The following EDA variants were observed in gnomAD, a reference collection of about 807,000 sequenced individuals.
EDA encodes ectodysplasin-A.
In EDA, 2 loss-of-function variants were observed where a neutral mutation model predicts 23.6. The ratio of observed to expected loss-of-function variants is 0.08; its 90% confidence interval spans 0.03 to 0.27. The LOEUF is 0.27. EDA is among the 10% of genes least tolerant of loss of function. EDA has a pLI of 1.00. For synonymous variants in EDA, 131 were observed against 132.0 expected (o/e 0.99, Z 0.05); for missense variants, 229 against 324.2 (o/e 0.71, Z 2.26).
chrX:69,736,814 C>G (rs1260542891), intron 1 of EDA, among the ~76,000 whole-genome samples: 1 of 104,562 alleles, frequency 9.6e-6, no homozygotes, highest in African/African-American at 3.5e-5. Context: ...CTCTGTCACC[C>G]AGGCTGGAGT....
rs778761132 is a variant in EDA, at chrX:70,030,517, A to C, written c.790A>C (p.Asn264His). ...QGQGSAIQVK[N>H]DLSGGVLNDW... ...CCAAGGGTCAGCAATTCAAGTCAAG[A>C]ATGGTAAGAATCAAAATAGGCTCTC... Residue 264 changes from asparagine (N) to histidine (H), a missense_variant, in exon 6 of 8, where the codon AAT becomes CAT. Asn to His is a moderately conservative substitution (Grantham distance 68). Around this residue, in one of 2 missense-constraint regions of EDA, gnomAD observed 175 missense variants for 281.8 expected, o/e 0.62. Coordinates refer to ENST00000374552, the MANE Select transcript of EDA (RefSeq NM_001399.5). The C allele has an allele frequency of 8.3e-7, 1 of 1,198,962 alleles. No individual in the cohort carries two copies. The highest frequency in any genetic ancestry group is 1.8e-5 in the South Asian group (1 of 55,070).
At chrX:69,854,232 C>T (rs926680364) in intron 1 of EDA, among the ~76,000 whole-genome samples, 1 of 110,339 alleles carries the variant, frequency 9.1e-6, no homozygotes, top group Non-Finnish European at 1.9e-5. Context: ...CTCACTCTGT[C>T]GCCCAGGCTG....
At chrX:69,654,871 A>G (rs1933250281) in intron 1 of EDA, among the ~76,000 whole-genome samples, 1 of 109,068 alleles carries the variant, frequency 9.2e-6, no homozygotes, top group East Asian at 2.9e-4. Flanking sequence ...TGGGTGCAGC[A>G]CACCAACATG....
chrX:69,916,853 A>AT (rs1180239834), intron 1 of EDA, among the ~76,000 whole-genome samples: 1 of 110,930 alleles, frequency 9.0e-6, no homozygotes, highest in East Asian at 2.8e-4. Context: ...TCATCATTAC[A>AT]TTTTTTAATA....
chrX:69,846,126 T>C lies in EDA; in HGVS notation c.397-110901T>C, dbSNP rs73543223. On this transcript the variant is annotated intron_variant, in intron 1 of 7. Coordinates refer to ENST00000374552, the MANE Select transcript of EDA (RefSeq NM_001399.5). ...AATAACTAATATAGGAATCAACGTTTGTGAAATTCAAACATGGTCTGGTTT... is the reference window on the plus strand; with the variant it reads ...AATAACTAATATAGGAATCAACGTTCGTGAAATTCAAACATGGTCTGGTTT... Among the ~76,000 whole-genome samples the C allele has an allele frequency of 4.6e-3, 519 of 112,509 alleles. 2 individuals carry two copies. Among genetic ancestry groups the C allele is most frequent in the African/African-American group, 0.016 (491 of 31,006 alleles).
intron 2 of EDA, among the ~76,000 whole-genome samples, chrX:69,958,893 A>G (rs73226452): frequency 0.025 from 2,805 of 111,041 alleles, 44 homozygotes; most frequent in South Asian, 0.059. Context: ...CCTGGTTGCA[A>G]AGGAAGAGAG....
At chrX:69,962,724 C>T (rs1438104647) in intron 2 of EDA, among the ~76,000 whole-genome samples, 1 of 112,364 alleles carries the variant, frequency 8.9e-6, no homozygotes, top group Non-Finnish European at 1.9e-5. Flanking sequence ...AGCCACTGCA[C>T]CTGGCCTACA....
At chrX:69,807,532 T>G (rs1213931980) in intron 1 of EDA, among the ~76,000 whole-genome samples, 1 of 104,664 alleles carries the variant, frequency 9.6e-6, no homozygotes, top group Non-Finnish European at 2.0e-5. Flanking sequence ...AATAGATTTC[T>G]TAGCCTTTGC....
chrX:69,854,866 T>C (rs1237237468), intron 1 of EDA, among the ~76,000 whole-genome samples: 3 of 112,502 alleles, frequency 2.7e-5, no homozygotes. Flanking sequence ...TCTTTAGGTC[T>C]TTGAGGAATC....
chrX:69,682,585 C>A (rs1934407215), intron 1 of EDA, among the ~76,000 whole-genome samples: 1 of 112,023 alleles, frequency 8.9e-6, no homozygotes, highest in Non-Finnish European at 1.9e-5. Flanking sequence ...CCCGATTTTC[C>A]AGGTGCCGTC....
chrX:69,752,809 G>T (rs1195613650), intron 1 of EDA, among the ~76,000 whole-genome samples: 4 of 111,878 alleles, frequency 3.6e-5, no homozygotes, highest in South Asian at 7.5e-4. Flanking sequence ...TCTTGGGAGG[G>T]TGTATGTGTT....
intron 1 of EDA, among the ~76,000 whole-genome samples, chrX:69,819,063 A>G (rs923284053): frequency 8.9e-6 from 1 of 112,522 alleles, no homozygotes; most frequent in Non-Finnish European, 1.9e-5. Flanking sequence ...GGTTGGTTCA[A>G]CATATGCAAA....
chrX:69,829,836 T>A (rs2016562854), intron 1 of EDA, among the ~76,000 whole-genome samples: 1 of 112,164 alleles, frequency 8.9e-6, no homozygotes, highest in African/African-American at 3.2e-5. Context: ...TAGAAATAAT[T>A]TCATTCATTA....
Position 69,669,398 on chromosome X carries a change from T to G in EDA, c.396+52694T>G, listed in dbSNP as rs1488065591. On this transcript the variant is annotated intron_variant, in intron 1 of 7. Transcript: ENST00000374552. ...CTTTGTGATTTGATACTTTTCTTAG[T>G]GCTGAACTTTGAGTCCTCTCTGTTT... Among the ~76,000 whole-genome samples the G allele has an allele frequency of 2.7e-5, 3 of 111,434 alleles. No homozygotes were observed. In the Admixed American group the frequency reaches 2.9e-4, roughly 11 times the overall value.
chrX:69,832,902 T>G (rs1255893234), intron 1 of EDA, among the ~76,000 whole-genome samples: 1 of 110,547 alleles, frequency 9.0e-6, no homozygotes, highest in Non-Finnish European at 1.9e-5. Flanking sequence ...ATCCTGAGAC[T>G]TTGCTGAAGT....
chrX:69,893,146 A>G (rs1026364926), intron 1 of EDA, among the ~76,000 whole-genome samples: 13 of 110,738 alleles, frequency 1.2e-4, no homozygotes, highest in African/African-American at 3.6e-4. Flanking sequence ...AAACCTTGCT[A>G]TTCTTTGGCT....
chrX:70,000,242 G>C (rs1011298098), intron 2 of EDA, among the ~76,000 whole-genome samples: 6 of 112,153 alleles, frequency 5.3e-5, no homozygotes, highest in Admixed American at 1.9e-4. Context: ...AATGGGGCAA[G>C]AAATTGAAAT....
intron 1 of EDA, among the ~76,000 whole-genome samples, chrX:69,657,145 A>C (rs1352375473): frequency 8.9e-6 from 1 of 112,009 alleles, no homozygotes; most frequent in Non-Finnish European, 1.9e-5. Flanking sequence ...TTTTCTCTGC[A>C]ATCTCACCAA....
At chrX:69,896,872 T>C (rs1462330681) in intron 1 of EDA, among the ~76,000 whole-genome samples, 1 of 111,780 alleles carries the variant, frequency 8.9e-6, no homozygotes, top group Non-Finnish European at 1.9e-5. Flanking sequence ...AAAACTATAT[T>C]TACCTTAATT....
Sources: allele counts gnomAD v4.1 joint callset (sites outside exome capture counted in the v4.1 genomes callset), GRCh38; gene constraint gnomAD v4.1.1; regional missense constraint gnomAD v4.1.1; transcripts MANE v1.5; gene names NCBI Gene and HGNC (gene_info 2026-07-23, HGNC 2026-07-21).